Variants in LRBA observed in about 807,000 individuals in gnomAD.
LRBA encodes the protein lipopolysaccharide-responsive and beige-like anchor protein.
Under a neutral mutation model 330.0 loss-of-function variants are expected in LRBA, and 176 were observed. The ratio of observed to expected loss-of-function variants is 0.53; its 90% CI spans 0.47 to 0.60. LRBA has a LOEUF of 0.60. LRBA is among the 20% of genes least tolerant of loss of function. The probability of loss-of-function intolerance (pLI) is 0.00; values close to 1 mark genes in which losing one functional copy is unlikely to be tolerated. For synonymous variants in LRBA, 1,230 were observed against 1,193.0 expected (o/e 1.03, Z -0.64); for missense variants, 3,259 against 3,444.8 (o/e 0.95, Z 1.35).
intron 53 of LRBA, among the ~76,000 whole-genome samples, chr4:150,295,194 CTTTTTT>C (rs146893381): frequency 0.014 from 1,556 of 113,798 alleles, 30 homozygotes; most frequent in African/African-American, 0.035. Flanking sequence ...ATTAAAATAG[CTTTTTT>C]TTTTTTTTTT....
intron 48 of LRBA, among the ~76,000 whole-genome samples, chr4:150,347,097 A>G (rs1736476039): frequency 6.6e-6 from 1 of 152,226 alleles, no homozygotes; most frequent in African/African-American, 2.4e-5. Flanking sequence ...ATATTACGCT[A>G]AGTAAAATAA....
chr4:150,572,987 G>A (rs996310789), intron 40 of LRBA, among the ~76,000 whole-genome samples: 1 of 152,120 alleles, frequency 6.6e-6, no homozygotes, highest in African/African-American at 2.4e-5. Context: ...ACTGCCTGAT[G>A]CTTTCAGGAC....
intron 34 of LRBA, among the ~76,000 whole-genome samples, chr4:150,770,881 T>C (rs1162207192): frequency 6.6e-6 from 1 of 152,206 alleles, no homozygotes; most frequent in Non-Finnish European, 1.5e-5. Flanking sequence ...AGTATGGTAA[T>C]ACTAAGATAT....
At chr4:150,509,568 CAA>C (rs35485784) in intron 40 of LRBA, among the ~76,000 whole-genome samples, 115 of 141,878 alleles carry the variant, frequency 8.1e-4, no homozygotes, top group African/African-American at 1.0e-3. Context: ...AATAGAAAAC[CAA>C]AAAAAAAAAA....
At chr4:150,668,402 C>G (rs766821570) in intron 37 of LRBA, among the ~76,000 whole-genome samples, 1 of 152,184 alleles carries the variant, frequency 6.6e-6, no homozygotes, top group Non-Finnish European at 1.5e-5. Flanking sequence ...CCAAATCATA[C>G]TAAACACAGA....
At chr4:150,424,221 C>T (rs374338605) in intron 46 of LRBA, among the ~76,000 whole-genome samples, 5 of 152,056 alleles carry the variant, frequency 3.3e-5, no homozygotes, top group African/African-American at 1.2e-4. Context: ...AATAAGAGAG[C>T]GAGCATATAT....
chr4:150,748,591 T>C (rs537744544), intron 35 of LRBA, among the ~76,000 whole-genome samples: 1 of 151,136 alleles, frequency 6.6e-6, no homozygotes, highest in South Asian at 2.1e-4. Flanking sequence ...CGCTTGAACC[T>C]GGGAGACAGA....
intron 40 of LRBA, among the ~76,000 whole-genome samples, chr4:150,563,333 C>T (rs1255271219): frequency 6.6e-6 from 1 of 151,998 alleles, no homozygotes; most frequent in African/African-American, 2.4e-5. Context: ...GAAGAAAAGG[C>T]CTTCGATAAA....
At chr4:150,697,192 G>A (rs1359469440) in intron 36 of LRBA, among the ~76,000 whole-genome samples, 1 of 151,424 alleles carries the variant, frequency 6.6e-6, no homozygotes, top group Non-Finnish European at 1.5e-5. Context: ...TGGCATGGTG[G>A]CAGGAGTCTG....
intron 40 of LRBA, among the ~76,000 whole-genome samples, chr4:150,549,336 T>A (rs201216246): frequency 4.0e-5 from 6 of 148,654 alleles, no homozygotes; most frequent in African/African-American, 1.0e-4. Context: ...TTATTTTATT[T>A]TTTTATTTTT....
At chr4:150,636,930 G>C (rs1268396445) in intron 37 of LRBA, among the ~76,000 whole-genome samples, 1 of 152,092 alleles carries the variant, frequency 6.6e-6, no homozygotes, top group Non-Finnish European at 1.5e-5. Context: ...TTACAGGCGT[G>C]AACTATCACA....
intron 37 of LRBA, among the ~76,000 whole-genome samples, chr4:150,608,455 G>T (rs1312090816): frequency 1.3e-5 from 2 of 152,130 alleles, no homozygotes; most frequent in African/African-American, 4.8e-5. Context: ...AACCAAAATA[G>T]AACGGTGCCA....
intron 40 of LRBA, chr4:150,579,512 G>T: frequency 2.6e-6 from 1 of 384,448 alleles, no homozygotes; most frequent in Middle Eastern, 5.6e-4. Context: ...ATTTACTAGA[G>T]CATCTACCTA....
chr4:150,320,377 TACTTACAGATATTC>T (rs1442790890), intron 50 of LRBA, among the ~76,000 whole-genome samples: 1 of 152,066 alleles, frequency 6.6e-6, no homozygotes, highest in Admixed American at 6.6e-5. Context: ...GAACAGAAGG[TACTTACAGATATTC>T]AATATTTTGG....
intron 48 of LRBA, among the ~76,000 whole-genome samples, chr4:150,349,497 T>C (rs1736851403): frequency 6.6e-6 from 1 of 152,102 alleles, no homozygotes; most frequent in African/African-American, 2.4e-5. Flanking sequence ...CTTGAGAAAA[T>C]AAATGACAAG....
intron 17 of LRBA, among the ~76,000 whole-genome samples, chr4:150,880,671 T>C (rs911376088): frequency 2.6e-5 from 4 of 152,130 alleles, no homozygotes; most frequent in African/African-American, 7.2e-5. Context: ...TCAAAAGCAA[T>C]TGCAATACAA....
chr4:150,499,167 A>G lies in LRBA; in HGVS notation c.6331-8132T>C, dbSNP rs150185218. On this transcript the variant is annotated intron_variant, in intron 40 of 56. Transcript: ENST00000651943. ...ATTTTTGCACCTTTATGCCAACAATATTCAAATTGTTTTTTCTTCAAAATA... is the reference window on the plus strand; with the variant it reads ...ATTTTTGCACCTTTATGCCAACAATGTTCAAATTGTTTTTTCTTCAAAATA... 2.9e-3 allele frequency among the ~76,000 whole-genome samples: 449 copies of G among 152,312 alleles called. 4 individuals are homozygous for G. The highest frequency in any genetic ancestry group is 0.011 in the African/African-American group (437 of 41,570).
chr4:150,357,817 T>C (rs1009379789), intron 47 of LRBA, among the ~76,000 whole-genome samples: 2 of 152,050 alleles, frequency 1.3e-5, no homozygotes, highest in African/African-American at 4.8e-5. Flanking sequence ...AGTGAGGCAA[T>C]GCAAAATTTA....
chr4:150,581,564 C>A, intron 40 of LRBA: 1 of 207,262 alleles, frequency 4.8e-6, no homozygotes, highest in Non-Finnish European at 9.9e-6. Context: ...AAAAAGTGAA[C>A]CTTTCTGAAC....
Sources: gnomAD v4.1 joint callset for allele counts (sites outside exome capture counted in the v4.1 genomes callset) on GRCh38, gnomAD v4.1.1 for gene constraint, MANE v1.5 for transcripts, NCBI Gene and HGNC (gene_info 2026-07-23, HGNC 2026-07-21) for gene names.